GFOD1: variants seen among roughly 807,000 people sequenced by gnomAD.
The protein encoded by GFOD1 is Gfo/Idh/MocA-like oxidoreductase domain containing 1.
In GFOD1, 9 loss-of-function variants were observed where a neutral mutation model predicts 25.4. That is an observed-to-expected ratio of 0.35 (90% confidence interval 0.21 to 0.62). The LOEUF (loss-of-function observed/expected upper bound fraction) is 0.62, where lower values mean the gene tolerates loss of function less well. GFOD1 is among the 20% of genes least tolerant of loss of function. GFOD1 has a pLI of 0.72. For missense variants in GFOD1, 403 were observed against 556.9 expected (o/e 0.72, Z 2.78); for synonymous variants, 253 against 245.6 (o/e 1.03, Z -0.28).
chr6:13,417,303 G>A (rs555083937), intron 1 of GFOD1, among the ~76,000 whole-genome samples: 204 of 152,188 alleles, frequency 1.3e-3, no homozygotes, highest in Non-Finnish European at 2.4e-3. Flanking sequence ...ACAGGTGCCC[G>A]CCACCACGCC....
chr6:13,357,942 T>A lies in GFOD1; in HGVS notation c.*6801A>T, dbSNP rs1562188968. 1 of 152,272 alleles carries A rather than the reference T, an allele frequency of 6.6e-6. No homozygotes were observed. Among genetic ancestry groups the A allele is most frequent in the Non-Finnish European group, 1.5e-5 (1 of 68,056 alleles). The allele number at this position is 152,272 out of a possible 1,614,324, so 9.4% of individuals were successfully genotyped here. A position where few individuals can be genotyped will look rare whatever the true frequency, so the allele number is the denominator to read the frequency against. On this transcript the variant is annotated 3_prime_UTR_variant, in exon 2 of 2. Coordinates refer to ENST00000379287, the MANE Select transcript of GFOD1 (RefSeq NM_018988.4). Reference sequence around the variant, plus strand: ...GAGCGGCACAGGCCAGCTGGCTGAGTGATGCTGACCGCTGGCTCCGAGCAT... The same window carrying A: ...GAGCGGCACAGGCCAGCTGGCTGAGAGATGCTGACCGCTGGCTCCGAGCAT...
chr6:13,471,801 CA>C (rs1758511822), intron 1 of GFOD1, among the ~76,000 whole-genome samples: 1 of 152,182 alleles, frequency 6.6e-6, no homozygotes, highest in South Asian at 2.1e-4. Flanking sequence ...GAACTTTCTG[CA>C]ATGATGGATA....
chr6:13,403,947 A>C (rs1785897499), intron 1 of GFOD1, among the ~76,000 whole-genome samples: 1 of 152,196 alleles, frequency 6.6e-6, no homozygotes, highest in African/African-American at 2.4e-5. Context: ...GATTATGGAG[A>C]TGGTTGTACA....
chr6:13,435,789 T>C (rs751157629), intron 1 of GFOD1, among the ~76,000 whole-genome samples: 1 of 152,232 alleles, frequency 6.6e-6, no homozygotes, highest in African/African-American at 2.4e-5. Flanking sequence ...TCTTGACTAA[T>C]AAATTTGGAA....
chr6:13,482,328 A>G (rs1030319679), intron 1 of GFOD1, among the ~76,000 whole-genome samples: 16 of 149,334 alleles, frequency 1.1e-4, no homozygotes, highest in Non-Finnish European at 3.0e-5. Context: ...TAATACATTT[A>G]ATATATTTTT....
At chr6:13,402,964 T>C (rs1785875825) in intron 1 of GFOD1, among the ~76,000 whole-genome samples, 1 of 152,126 alleles carries the variant, frequency 6.6e-6, no homozygotes, top group Non-Finnish European at 1.5e-5. Flanking sequence ...AAACAAAAGG[T>C]GGTACAGTCA....
chr6:13,464,725 G>A (rs1181559765), intron 1 of GFOD1, among the ~76,000 whole-genome samples: 2 of 152,160 alleles, frequency 1.3e-5, no homozygotes, highest in East Asian at 1.9e-4. Flanking sequence ...GAAACAAACC[G>A]ATTTCTTCTG....
chr6:13,437,567 C>A (rs570158874), intron 1 of GFOD1, among the ~76,000 whole-genome samples: 1 of 152,154 alleles, frequency 6.6e-6, no homozygotes, highest in African/African-American at 2.4e-5. Context: ...TTGTGACTAG[C>A]GGCTACTATG....
chr6:13,443,873 C>T (rs1431085995), intron 1 of GFOD1, among the ~76,000 whole-genome samples: 2 of 150,866 alleles, frequency 1.3e-5, no homozygotes, highest in Non-Finnish European at 2.9e-5. Flanking sequence ...GCAACCAGCA[C>T]CCTAACCAGT....
intron 1 of GFOD1, among the ~76,000 whole-genome samples, chr6:13,454,720 C>T (rs1758158421): frequency 6.6e-6 from 1 of 152,190 alleles, no homozygotes; most frequent in Admixed American, 6.5e-5. Context: ...CCCCGCAACC[C>T]ACTGATGATA....
At chr6:13,440,937 C>T (rs1307459402) in intron 1 of GFOD1, among the ~76,000 whole-genome samples, 1 of 152,178 alleles carries the variant, frequency 6.6e-6, no homozygotes, top group Non-Finnish European at 1.5e-5. Flanking sequence ...GGAACTGCTG[C>T]AATCAGCTGT....
At chr6:13,425,803 C>T (rs1786340724) in intron 1 of GFOD1, among the ~76,000 whole-genome samples, 1 of 150,418 alleles carries the variant, frequency 6.6e-6, no homozygotes, top group African/African-American at 2.5e-5. Context: ...CTTCCCTGGG[C>T]CACATTGGAA....
intron 1 of GFOD1, among the ~76,000 whole-genome samples, chr6:13,435,919 C>T (rs904513867): frequency 6.6e-6 from 1 of 152,148 alleles, no homozygotes; most frequent in Non-Finnish European, 1.5e-5. Context: ...TTCATGTTTA[C>T]AAATATAATT....
At chr6:13,474,072 G>C (rs1249469753) in intron 1 of GFOD1, among the ~76,000 whole-genome samples, 1 of 152,194 alleles carries the variant, frequency 6.6e-6, no homozygotes, top group Non-Finnish European at 1.5e-5. Context: ...CGTTTTATGA[G>C]GGGGATCCTG....
At chr6:13,462,931 C>A (rs1758316612) in intron 1 of GFOD1, among the ~76,000 whole-genome samples, 2 of 152,202 alleles carry the variant, frequency 1.3e-5, no homozygotes, top group South Asian at 4.1e-4. Flanking sequence ...AGTGAAGCAT[C>A]TCCTGTTCAG....
chr6:13,384,725 C>A (rs78737991), intron 1 of GFOD1, among the ~76,000 whole-genome samples: 2 of 152,268 alleles, frequency 1.3e-5, no homozygotes, highest in African/African-American at 4.8e-5. Flanking sequence ...GGCAGAGATG[C>A]GCACAGTGCC....
chr6:13,371,382 C>A (rs1371204522), intron 1 of GFOD1, among the ~76,000 whole-genome samples: 2 of 152,214 alleles, frequency 1.3e-5, no homozygotes, highest in African/African-American at 4.8e-5. Flanking sequence ...CCACTTGTCC[C>A]ATGCTGAGTC....
intron 1 of GFOD1, among the ~76,000 whole-genome samples, chr6:13,388,477 A>G (rs1425414969): frequency 6.6e-6 from 1 of 152,248 alleles, no homozygotes; most frequent in Non-Finnish European, 1.5e-5. Context: ...CGACCATCTG[A>G]TCTTTGACAA....
At chr6:13,469,559 T>C (rs1758442182) in intron 1 of GFOD1, 2 of 1,056,558 alleles carry the variant, frequency 1.9e-6, no homozygotes, top group Non-Finnish European at 2.3e-6. Flanking sequence ...CACATAAGCT[T>C]TGGAGTCAAG....
Sources: gnomAD v4.1 joint callset for allele counts (sites outside exome capture counted in the v4.1 genomes callset) on GRCh38, gnomAD v4.1.1 for gene constraint, MANE v1.5 for transcripts, NCBI Gene and HGNC (gene_info 2026-07-23, HGNC 2026-07-21) for gene names.